LARGE1: variants seen among roughly 807,000 people sequenced by gnomAD.
LARGE1 encodes xylosyl- and glucuronyltransferase LARGE1.
Under a neutral mutation model 87.6 loss-of-function variants are expected in LARGE1, and 43 were observed. The observed-to-expected ratio is 0.49, with a 90% CI of 0.38 to 0.63. The LOEUF is 0.63. LARGE1 is among the 30% of genes least tolerant of loss of function. The pLI, the probability that LARGE1 is intolerant of heterozygous loss-of-function variation, is 0.00. For synonymous variants in LARGE1, 434 were observed against 394.6 expected, an observed-to-expected ratio of 1.10 and a Z score of -1.18; for missense variants, 802 against 1,000.2, an observed-to-expected ratio of 0.80 and a Z score of 2.67.
At chr22:33,623,947 T>A (rs541167035) in intron 4 of LARGE1, among the ~76,000 whole-genome samples, 1 of 151,934 alleles carries the variant, frequency 6.6e-6, no homozygotes, top group Non-Finnish European at 1.5e-5. Flanking sequence ...GGAGAATCGC[T>A]GGAATCCAGG....
Position 33,241,541 on chromosome 22 carries a change from T to G in LARGE1, c.1730+62688A>C, listed in dbSNP as rs574993381. 2.6e-5 allele frequency among the ~76,000 whole-genome samples: 4 copies of G among 151,906 alleles called. No homozygotes were observed. In the South Asian group the frequency reaches 8.3e-4, roughly 32 times the overall value. ...AAAGTTATATATATGTACATATATG[T>G]GTATATATGTATATGTATATATGTG... On this transcript the variant is annotated intron_variant, in intron 11 of 11. Coordinates refer to the LARGE1 transcript ENST00000608642.
chr22:33,902,290 G>C (rs747607411), intron 1 of LARGE1, among the ~76,000 whole-genome samples: 4 of 152,228 alleles, frequency 2.6e-5, no homozygotes, highest in Non-Finnish European at 4.4e-5. Context: ...CACTGCTCCA[G>C]TGGGAAGAAT....
intron 6 of LARGE1, among the ~76,000 whole-genome samples, chr22:33,479,911 A>AT (rs2069241226): frequency 6.6e-6 from 1 of 151,916 alleles, no homozygotes; most frequent in East Asian, 1.9e-4. Flanking sequence ...CACCCAGCTA[A>AT]TTTTTGTATT....
chr22:33,801,007 G>A (rs1208172183), intron 1 of LARGE1, among the ~76,000 whole-genome samples: 2 of 152,096 alleles, frequency 1.3e-5, no homozygotes, highest in African/African-American at 2.4e-5. Context: ...GGGACCCGGG[G>A]GAGGTAAATG....
chr22:33,296,998 G>A (rs1311083680), intron 12 of LARGE1, among the ~76,000 whole-genome samples: 4 of 152,206 alleles, frequency 2.6e-5, no homozygotes, highest in Non-Finnish European at 5.9e-5. Context: ...ACAGTGCTTG[G>A]CGCATAGTAA....
intron 2 of LARGE1, among the ~76,000 whole-genome samples, chr22:33,664,739 C>G (rs904974046): frequency 6.6e-6 from 1 of 152,180 alleles, no homozygotes; most frequent in African/African-American, 2.4e-5. Context: ...TGGCACATGC[C>G]TATAGTCTCA....
intron 11 of LARGE1, among the ~76,000 whole-genome samples, chr22:33,216,153 A>G (rs1180336038): frequency 6.6e-6 from 1 of 152,142 alleles, no homozygotes; most frequent in Non-Finnish European, 1.5e-5. Context: ...CTAAATGTCC[A>G]TATGTGCCTG....
chr22:33,378,109 C>T (rs920645784), intron 9 of LARGE1, among the ~76,000 whole-genome samples: 20 of 152,170 alleles, frequency 1.3e-4, no homozygotes, highest in African/African-American at 4.8e-4. Context: ...TTCCTGAGAA[C>T]CTTGCTTTCC....
intron 11 of LARGE1, among the ~76,000 whole-genome samples, chr22:33,170,666 G>A (rs1922519214): frequency 1.3e-5 from 2 of 152,312 alleles, no homozygotes; most frequent in Middle Eastern, 3.4e-3. Flanking sequence ...TGCCATGAGT[G>A]TGAGTTTCCT....
rs542920141 is a variant in LARGE1, at chr22:33,676,543, T to G, written c.107-25875A>C. Among the ~76,000 whole-genome samples the G allele has an allele frequency of 4.0e-5, 6 of 149,494 alleles. No individual in the cohort carries two copies. The East Asian group carries it at 1.2e-3, about 29-fold the overall frequency. On this transcript the variant is annotated intron_variant, in intron 2 of 14. Transcript: ENST00000397394. Reference sequence around the variant, plus strand: ...ATACAATAAAATAAAAAGCTAAATCTACAATATCTGCCATCAGCAGGTACA... The same window carrying G: ...ATACAATAAAATAAAAAGCTAAATCGACAATATCTGCCATCAGCAGGTACA...
chr22:33,109,880 A>G, the LARGE1 span, among the ~76,000 whole-genome samples: 23 of 152,164 alleles, frequency 1.5e-4, no homozygotes, highest in African/African-American at 5.3e-4. Context: ...ATCTTCTGCC[A>G]TAATTGTAAG....
chr22:33,815,692 C>T (rs1289343655), intron 1 of LARGE1, among the ~76,000 whole-genome samples: 1 of 152,188 alleles, frequency 6.6e-6, no homozygotes, highest in African/African-American at 2.4e-5. Flanking sequence ...GACTGCCTGG[C>T]CATGAGTTCT....
chr22:33,766,951 T>TATATATATATATATATAC (rs2084926070), intron 1 of LARGE1, among the ~76,000 whole-genome samples: 1 of 40,594 alleles, frequency 2.5e-5, no homozygotes, highest in Non-Finnish European at 5.1e-5. Context: ...TATATATATA[T>TATATATATATATATATAC]ATATATATAT....
the LARGE1 span, among the ~76,000 whole-genome samples, chr22:33,076,208 T>C: frequency 6.6e-6 from 1 of 152,216 alleles, no homozygotes. Context: ...TTGGATAAGA[T>C]ATTTCTCTGG....
At chr22:33,886,863 C>G (rs2064866749) in intron 1 of LARGE1, among the ~76,000 whole-genome samples, 2 of 152,112 alleles carry the variant, frequency 1.3e-5, no homozygotes, top group African/African-American at 4.8e-5. Flanking sequence ...AAAAGACACC[C>G]CTGGCTCTTG....
At position 33,324,581 on chromosome 22, in the gene LARGE1, G is replaced by A. The variant is rs564389790; in HGVS notation, c.1288-8333C>T. ...GGCAGAGGGAAATTTGGACCCAAGGGAAAATGGCCCGTTAGGCAGTTTGCA... is the reference window on the plus strand; with the variant it reads ...GGCAGAGGGAAATTTGGACCCAAGGAAAAATGGCCCGTTAGGCAGTTTGCA... On this transcript the variant is annotated intron_variant, in intron 10 of 14. Transcript: ENST00000397394. Among the ~76,000 whole-genome samples, 20 of 152,284 alleles carry A rather than the reference G, an allele frequency of 1.3e-4. No individual in the cohort carries two copies. In the East Asian group the frequency reaches 3.9e-3, roughly 29 times the overall value.
At chr22:33,161,545 A>G (rs1922023907), downstream of LARGE1, among the ~76,000 whole-genome samples, 1 of 152,238 alleles carries the variant, frequency 6.6e-6, no homozygotes, top group African/African-American at 2.4e-5. Context: ...GAATTGGGTA[A>G]ATACATCTGC....
intron 5 of LARGE1, among the ~76,000 whole-genome samples, chr22:33,587,438 A>G (rs1222721735): frequency 1.3e-5 from 2 of 152,172 alleles, no homozygotes; most frequent in African/African-American, 2.4e-5. Flanking sequence ...AGTAATAAAA[A>G]TTTTTAAAGA....
intron 2 of LARGE1, among the ~76,000 whole-genome samples, chr22:33,686,092 T>C (rs1231083414): frequency 6.6e-6 from 1 of 152,156 alleles, no homozygotes; most frequent in Non-Finnish European, 1.5e-5. Flanking sequence ...CAGCAAGCCA[T>C]GGCAAATTAA....
Sources: allele counts gnomAD v4.1 joint callset (sites outside exome capture counted in the v4.1 genomes callset), GRCh38; gene constraint gnomAD v4.1.1; transcripts MANE v1.5; gene names NCBI Gene and HGNC (gene_info 2026-07-23, HGNC 2026-07-21).